SOX21: variants seen among roughly 807,000 people sequenced by gnomAD.
SOX21 encodes transcription factor SOX-21.
For synonymous variants in SOX21, 237 were observed against 189.7 expected, an observed-to-expected ratio of 1.25 and a Z score of -2.05; for missense variants, 370 against 388.8, an observed-to-expected ratio of 0.95 and a Z score of 0.41.
chr13:94,711,802 G>C lies in SOX21; in HGVS notation c.248C>G (p.Pro83Arg), dbSNP rs1389462088. The C allele has an allele frequency of 1.2e-6, 2 of 1,613,784 alleles. No individual in the cohort carries two copies. The highest frequency in any genetic ancestry group is 1.7e-6 in the Non-Finnish European group (2 of 1,179,884). ...PDYKYRPRRK[P>R]KTLLKKDKFA... ...CTTGTCCTTCTTGAGCAGCGTCTTG[G>C]GCTTGCGCCGCGGCCGGTACTTGTA... The change falls in exon 1 of 1, where the codon CCC becomes CGC. Residue 83 changes from proline to arginine, a missense_variant. Physicochemically the swap from Pro to Arg is moderately radical, Grantham distance 103 (BLOSUM62 -2). Coordinates refer to ENST00000376945, the MANE Select transcript of SOX21 (RefSeq NM_007084.4).
At position 94,712,448 on chromosome 13, in the gene SOX21, C is replaced by CA; in HGVS notation, c.-400dup. The CA allele has an allele frequency of 1.0e-6, 1 of 992,542 alleles. No homozygotes were observed. 61.5% of individuals were successfully genotyped at this position (992,542 alleles called of 1,614,324 possible). ...TTCTCTCTTAAATGCAAAGCGTCCC[C>CA]AAAAGTTGCGTCGCGGAGACTCCTC... On this transcript the variant is annotated 5_prime_UTR_variant, in exon 1 of 1. Transcript: ENST00000376945. The surrounding 1 kb of genome is among the most constrained non-coding windows in gnomAD (Gnocchi z 5.0).
chr13:94,711,067 T>C lies in SOX21; in HGVS notation c.*152A>G. 1 of 773,342 alleles carries C rather than the reference T, an allele frequency of 1.3e-6. No individual in the cohort carries two copies. The allele number at this position is 773,342 out of a possible 1,614,324, so 47.9% of individuals were successfully genotyped here. A position where few individuals can be genotyped will look rare whatever the true frequency, so the allele number is the denominator to read the frequency against. On this transcript the variant is annotated 3_prime_UTR_variant, in exon 1 of 1. Transcript: ENST00000376945. ...CGCGCTTGGCCACTCCTGCCCCGCC[T>C]GGCCTCTCTGCCTCTACCTGGCACC...
rs748636917 is a variant in SOX21, at chr13:94,712,067, G to A, written c.-18C>T. 46 of 1,607,690 alleles carry A rather than the reference G, an allele frequency of 2.9e-5. No individual in the cohort carries two copies. In the South Asian group the frequency reaches 4.7e-4, roughly 17 times the overall value. On this transcript the variant is annotated 5_prime_UTR_variant, in exon 1 of 1. Transcript: ENST00000376945. This position sits in a 1 kb window ranked among gnomAD's most constrained non-coding sequence, Gnocchi z 5.0. ...TTGGACATGCTCTCGCCCTGCCGCG[G>A]CTGCAGCCCGCCGCCTCCCGGGCCC...
chr13:94,711,079 C>T lies in SOX21; in HGVS notation c.*140G>A. Reference sequence around the variant, plus strand: ...CTCCTGCCCCGCCTGGCCTCTCTGCCTCTACCTGGCACCTATACATTCTAT... The same window carrying T: ...CTCCTGCCCCGCCTGGCCTCTCTGCTTCTACCTGGCACCTATACATTCTAT... On this transcript the variant is annotated 3_prime_UTR_variant, in exon 1 of 1. Transcript: ENST00000376945. 3 of 887,396 alleles carry T rather than the reference C, an allele frequency of 3.4e-6. No individual in the cohort carries two copies. The highest frequency in any genetic ancestry group is 3.4e-5 in the East Asian group (1 of 29,594). 55.0% of individuals were successfully genotyped at this position (887,396 alleles called of 1,614,324 possible).
Position 94,712,533 on chromosome 13 carries a change from G to A in SOX21, c.-484C>T, listed in dbSNP as rs1875296051. 3.0e-6 allele frequency: 3 copies of A among 987,128 alleles called. No individual in the cohort carries two copies. Among genetic ancestry groups the A allele is most frequent in the African/African-American group, 1.7e-5 (1 of 57,220 alleles). 61.1% of individuals were successfully genotyped at this position (987,128 alleles called of 1,614,324 possible). A position where few individuals can be genotyped will look rare whatever the true frequency, so the allele number is the denominator to read the frequency against. On this transcript the variant is annotated 5_prime_UTR_variant, in exon 1 of 1. Transcript: ENST00000376945. This position sits in a 1 kb window ranked among gnomAD's most constrained non-coding sequence, Gnocchi z 5.0. ...CCAAGTGCCAAAGGGGGCTCTCAGCGGCTGGAGTGTTTGGGTTCTCCTCGG... is the reference window on the plus strand; with the variant it reads ...CCAAGTGCCAAAGGGGGCTCTCAGCAGCTGGAGTGTTTGGGTTCTCCTCGG...
Position 94,711,893 on chromosome 13 carries a change from C to G in SOX21, c.157G>C (p.Glu53Gln). 7 of 1,614,016 alleles carry G rather than the reference C, an allele frequency of 4.3e-6. No homozygotes were observed. Among genetic ancestry groups the G allele is most frequent in the Non-Finnish European group, 5.9e-6 (7 of 1,179,958 alleles). The change falls in exon 1 of 1, where the codon GAG (glutamate) becomes CAG (glutamine). Residue 53 changes from glutamate (E) to glutamine (Q), a missense_variant. Coordinates refer to ENST00000376945, the MANE Select transcript of SOX21 (RefSeq NM_007084.4). ...GCCTCGTCGATGAACGGCCGCTTCT[C>G]CGACTCTGTGAGCAGTTTCCACTCG... is the stretch of plus-strand genomic sequence containing the variant. The part of the protein sequence containing the change: ...GAEWKLLTES[E>Q]KRPFIDEAKR...
chr13:94,711,179 C>G lies in SOX21; in HGVS notation c.*40G>C. 7.8e-7 allele frequency: 1 copy of G among 1,287,450 alleles called. No homozygotes were observed. The highest frequency in any genetic ancestry group is 1.5e-5 in the African/African-American group (1 of 64,844). The allele number at this position is 1,287,450 out of a possible 1,614,324, so 79.8% of individuals were successfully genotyped here. On this transcript the variant is annotated 3_prime_UTR_variant, in exon 1 of 1. Coordinates refer to ENST00000376945, the MANE Select transcript of SOX21 (RefSeq NM_007084.4). ...CAGCGCTCGTACCTATACATATGTA[C>G]ACGTGTGCACACCGGTCCTCGCGAG...
At position 94,710,874 on chromosome 13, in the gene SOX21, T is replaced by G; in HGVS notation, c.*345A>C. 4.9e-6 allele frequency: 1 copy of G among 202,700 alleles called. No individual in the cohort carries two copies. The highest frequency in any genetic ancestry group is 9.9e-6 in the Non-Finnish European group (1 of 100,720). 12.6% of individuals were successfully genotyped at this position (202,700 alleles called of 1,614,324 possible). On this transcript the variant is annotated 3_prime_UTR_variant, in exon 1 of 1. Coordinates refer to ENST00000376945, the MANE Select transcript of SOX21 (RefSeq NM_007084.4). ...TCCAACAAAACTGGAAAGGCCAACATGTCAAAAAGTTACTCCTCCACCTCC... is the reference window on the plus strand; with the variant it reads ...TCCAACAAAACTGGAAAGGCCAACAGGTCAAAAAGTTACTCCTCCACCTCC...
Position 94,711,864 on chromosome 13 carries a change from C to T in SOX21, c.186G>A (p.Lys62=). The change falls in exon 1 of 1, where the codon AAG becomes AAA. Residue 62 remains lysine (K), a synonymous_variant. Coordinates refer to ENST00000376945, the MANE Select transcript of SOX21 (RefSeq NM_007084.4). ...SEKRPFIDEA[K]RLRAMHMKEH... The stretch of plus-strand genomic sequence containing the variant: ...CCTTCATGTGCATGGCGCGTAGACG[C>T]TTGGCCTCGTCGATGAACGGCCGCT... 1 of 1,614,020 alleles carries T rather than the reference C, an allele frequency of 6.2e-7. No homozygotes were observed. Among genetic ancestry groups the T allele is most frequent in the Non-Finnish European group, 8.5e-7 (1 of 1,179,962 alleles).
Position 94,710,042 on chromosome 13 carries a change from T to C in SOX21, c.*1177A>G, listed in dbSNP as rs1271228333. On this transcript the variant is annotated 3_prime_UTR_variant, in exon 1 of 1. Transcript: ENST00000376945. ...TTGGGAGAGAAATGCTAGCTGAAAA[T>C]GAGAGACATCTGTTGAAACAATTCT... is the stretch of plus-strand genomic sequence containing the variant. 6.6e-6 allele frequency: 1 copy of C among 152,140 alleles called. No homozygotes were observed. Among genetic ancestry groups the C allele is most frequent in the African/African-American group, 2.4e-5 (1 of 41,442 alleles). 9.4% of individuals were successfully genotyped at this position (152,140 alleles called of 1,614,324 possible).
chr13:94,712,085 C>A lies in SOX21; in HGVS notation c.-36G>T. The A allele has an allele frequency of 1.3e-6, 2 of 1,595,260 alleles. No individual in the cohort carries two copies. Among genetic ancestry groups the A allele is most frequent in the Non-Finnish European group, 1.7e-6 (2 of 1,170,856 alleles). ...TGCCGCGGCTGCAGCCCGCCGCCTC[C>A]CGGGCCCTCGCCCTCGGCCCGGAGG... On this transcript the variant is annotated 5_prime_UTR_variant, in exon 1 of 1. Transcript: ENST00000376945. This position sits in a 1 kb window ranked among gnomAD's most constrained non-coding sequence, Gnocchi z 5.0.
At position 94,711,910 on chromosome 13, in the gene SOX21, T is replaced by A; in HGVS notation, c.140A>T (p.Lys47Ile). 6.2e-7 allele frequency: 1 copy of A among 1,614,004 alleles called. No homozygotes were observed. The highest frequency in any genetic ancestry group is 8.5e-7 in the Non-Finnish European group (1 of 1,179,952). ...EISKRLGAEW[K>I]LLTESEKRPF... ...CCGCTTCTCCGACTCTGTGAGCAGT[T>A]TCCACTCGGCGCCCAAGCGCTTGCT... Residue 47 changes from lysine to isoleucine, a missense_variant, in exon 1 of 1, where the codon AAA becomes ATA. Physicochemically the swap from Lys to Ile is moderately radical, Grantham distance 102. Transcript: ENST00000376945.
rs1387505715 is a variant in SOX21 at position 94,711,830 on chromosome 13, C to T, written c.220G>A (p.Asp74Asn). 4 of 1,613,904 alleles carry T rather than the reference C, an allele frequency of 2.5e-6. No individual in the cohort carries two copies. Among genetic ancestry groups the T allele is most frequent in the South Asian group, 1.1e-5 (1 of 91,080 alleles). Residue 74 changes from aspartate (D) to asparagine (N), a missense_variant, in exon 1 of 1, where the codon GAC (aspartate) becomes AAC (asparagine). Asp to Asn is a conservative substitution (Grantham distance 23). Coordinates refer to ENST00000376945, the MANE Select transcript of SOX21 (RefSeq NM_007084.4). Reference protein sequence around the residue: ...LRAMHMKEHPDYKYRPRRKPK... With the variant: ...LRAMHMKEHPNYKYRPRRKPK... Reference sequence around the variant, plus strand: ...TTGCGCCGCGGCCGGTACTTGTAGTCGGGGTGCTCCTTCATGTGCATGGCG... The same window carrying T: ...TTGCGCCGCGGCCGGTACTTGTAGTTGGGGTGCTCCTTCATGTGCATGGCG...
In SOX21 at chr13:94,711,585, A is replaced by G. The variant is rs1875252774; in HGVS notation, c.465T>C (p.Ala155=). 6.8e-6 allele frequency: 8 copies of G among 1,176,446 alleles called. No homozygotes were observed. The highest frequency in any genetic ancestry group is 7.4e-6 in the Non-Finnish European group (7 of 948,390). The allele number at this position is 1,176,446 out of a possible 1,614,324, so 72.9% of individuals were successfully genotyped here. A position where few individuals can be genotyped will look rare whatever the true frequency, so the allele number is the denominator to read the frequency against. ...AARVFFPQSA[A]AAAAAAAAAA... ...CGGCGGCGGCGGCAGCGGCGGCGGC[A>G]GCGGCCGACTGCGGGAAGAAGACGC... Residue 155 remains alanine (A), a synonymous_variant, in exon 1 of 1, where the codon GCT becomes GCC. Coordinates refer to ENST00000376945, the MANE Select transcript of SOX21 (RefSeq NM_007084.4).
In SOX21 at chr13:94,712,065, C is replaced by G; in HGVS notation, c.-16G>C. The stretch of plus-strand genomic sequence containing the variant: ...GCTTGGACATGCTCTCGCCCTGCCG[C>G]GGCTGCAGCCCGCCGCCTCCCGGGC... On this transcript the variant is annotated 5_prime_UTR_variant, in exon 1 of 1. Transcript: ENST00000376945. This position sits in a 1 kb window ranked among gnomAD's most constrained non-coding sequence, Gnocchi z 5.0. The G allele has an allele frequency of 6.2e-7, 1 of 1,608,934 alleles. No homozygotes were observed. Among genetic ancestry groups the G allele is most frequent in the African/African-American group, 1.3e-5 (1 of 74,716 alleles).
Position 94,711,233 on chromosome 13 carries a change from C to T in SOX21, c.817G>A (p.Ala273Thr), listed in dbSNP as rs747607360. ...GCCCCGCGGGGTCATAGCGCGGCAG[C>T]GTAGGCCGCGGGGTAGGGGTCCAGC... ...PQLDPYPAAYAAAL is the reference protein window; with the variant it reads ...PQLDPYPAAYTAAL Residue 273 changes from alanine to threonine, a missense_variant, in exon 1 of 1, where the codon GCT becomes ACT. Ala to Thr is a moderately conservative substitution (Grantham distance 58, BLOSUM62 0). Coordinates refer to ENST00000376945, the MANE Select transcript of SOX21 (RefSeq NM_007084.4). The T allele has an allele frequency of 1.7e-5, 23 of 1,355,880 alleles. No homozygotes were observed. In the African/African-American group the frequency reaches 3.5e-4, roughly 21 times the overall value. The allele number at this position is 1,355,880 out of a possible 1,614,324, so 84.0% of individuals were successfully genotyped here. A position where few individuals can be genotyped will look rare whatever the true frequency, so the allele number is the denominator to read the frequency against.
At position 94,711,308 on chromosome 13, in the gene SOX21, G is replaced by C; in HGVS notation, c.742C>G (p.Leu248Val). Residue 248 changes from leucine (L) to valine (V), a missense_variant, in exon 1 of 1, where the codon CTG becomes GTG. Coordinates refer to ENST00000376945, the MANE Select transcript of SOX21 (RefSeq NM_007084.4). ...AGGATGTAGGCGAGCGGCGGCTGCA[G>C]CCCGGGGCTGGGCCACGCGCTGCAG... ...CNCSAWPSPGLQPPLAYILLP... is the reference protein window; with the variant it reads ...CNCSAWPSPGVQPPLAYILLP... 1 of 1,350,136 alleles carries C rather than the reference G, an allele frequency of 7.4e-7. No homozygotes were observed. The highest frequency in any genetic ancestry group is 2.0e-5 in the South Asian group (1 of 49,630). The allele number at this position is 1,350,136 out of a possible 1,614,324, so 83.6% of individuals were successfully genotyped here. A position where few individuals can be genotyped will look rare whatever the true frequency, so the allele number is the denominator to read the frequency against.
chr13:94,711,564 GGCGGCGGCA>G lies in SOX21; in HGVS notation c.477_485del (p.Ala164_Ala166del). On this transcript the variant is annotated inframe_deletion, in exon 1 of 1. Coordinates refer to ENST00000376945, the MANE Select transcript of SOX21 (RefSeq NM_007084.4). ...AGTAGGGGCTGCCCGCGGCGGCGGC[GGCGGCGGCA>G]GCGGCGGCGGCAGCGGCCGACTGCG... 2 of 961,928 alleles carry G rather than the reference GGCGGCGGCA, an allele frequency of 2.1e-6. No homozygotes were observed. Among genetic ancestry groups the G allele is most frequent in the Non-Finnish European group, 2.5e-6 (2 of 794,418 alleles). The allele number at this position is 961,928 out of a possible 1,614,324, so 59.6% of individuals were successfully genotyped here. A position where few individuals can be genotyped will look rare whatever the true frequency, so the allele number is the denominator to read the frequency against.
At position 94,712,473 on chromosome 13, in the gene SOX21, C is replaced by A; in HGVS notation, c.-424G>T. 2 of 987,296 alleles carry A rather than the reference C, an allele frequency of 2.0e-6. No individual in the cohort carries two copies. Among genetic ancestry groups the A allele is most frequent in the Non-Finnish European group, 2.4e-6 (2 of 831,964 alleles). The allele number at this position is 987,296 out of a possible 1,614,324, so 61.2% of individuals were successfully genotyped here. On this transcript the variant is annotated 5_prime_UTR_variant, in exon 1 of 1. Coordinates refer to ENST00000376945, the MANE Select transcript of SOX21 (RefSeq NM_007084.4). This position sits in a 1 kb window ranked among gnomAD's most constrained non-coding sequence, Gnocchi z 5.0. ...CAAAAGTTGCGTCGCGGAGACTCCT[C>A]GAAGTTGAGCCGAGGAGCCCGCCGC... is the stretch of plus-strand genomic sequence containing the variant.
Sources: allele counts gnomAD v4.1 joint callset, GRCh38; gene constraint gnomAD v4.1.1; non-coding constraint Gnocchi (gnomAD v3.1); transcripts MANE v1.5; gene names NCBI Gene and HGNC (gene_info 2026-07-23, HGNC 2026-07-21).